Variants in NCALD observed in about 807,000 individuals in gnomAD.
NCALD encodes the protein neurocalcin-delta.
NCALD carries 10 observed loss-of-function variants against 18.6 expected under a neutral mutation model. That is an observed-to-expected ratio of 0.54 (90% confidence interval 0.33 to 0.91). NCALD has a LOEUF of 0.91. Ranked by LOEUF, NCALD falls within the 40% of genes least tolerant of loss-of-function variation. The pLI, the probability that NCALD is intolerant of heterozygous loss-of-function variation, is 0.03. For synonymous variants in NCALD, 88 were observed against 87.4 expected (o/e 1.01, Z -0.04); for missense variants, 184 against 247.6 (o/e 0.74, Z 1.72).
Position 101,883,477 on chromosome 8 carries a change from C to T in NCALD, c.-20+3664G>A, listed in dbSNP as rs74355584. ...TGCTCCCTTCCTCCTCCCCTCACCACTCCAGAATGAGGCACAGGGAGGACA... is the reference window on the plus strand; with the variant it reads ...TGCTCCCTTCCTCCTCCCCTCACCATTCCAGAATGAGGCACAGGGAGGACA... On this transcript the variant is annotated intron_variant, in intron 4 of 6. Transcript: ENST00000311028. Among the ~76,000 whole-genome samples the T allele has an allele frequency of 9.4e-3, 1,437 of 152,358 alleles. 10 individuals are homozygous for T. Among genetic ancestry groups the T allele is most frequent in the Non-Finnish European group, 0.014 (956 of 68,032 alleles).
At chr8:101,821,884 A>T (rs1160980304) in intron 4 of NCALD, among the ~76,000 whole-genome samples, 1 of 19,536 alleles carries the variant, frequency 5.1e-5, no homozygotes, top group Non-Finnish European at 2.4e-4. Flanking sequence ...TTCTAAGTAA[A>T]AAAAAAAAAA....
At chr8:101,868,475 A>T (rs1351739334) in intron 4 of NCALD, among the ~76,000 whole-genome samples, 1 of 152,190 alleles carries the variant, frequency 6.6e-6, no homozygotes, top group African/African-American at 2.4e-5. Flanking sequence ...ACACCTAAGT[A>T]ACAAAAGGAC....
chr8:102,097,226 C>T (rs182921230), intron 1 of NCALD, among the ~76,000 whole-genome samples: 1 of 152,268 alleles, frequency 6.6e-6, no homozygotes, highest in Non-Finnish European at 1.5e-5. Context: ...CAGTTAGGAA[C>T]CACAGAGGAA....
Position 102,076,839 on chromosome 8 carries a change from C to G in NCALD, c.-210+47398G>C, listed in dbSNP as rs546473507. On this transcript the variant is annotated intron_variant, in intron 1 of 6. Coordinates refer to the NCALD transcript ENST00000311028. ...CACGCCTTCCTTCTGAAATGACACA[C>G]ACTTGAAGTTGTTTTTCTAATGGTG... Among the ~76,000 whole-genome samples the G allele has an allele frequency of 2.6e-5, 4 of 152,316 alleles. No homozygotes were observed. In the East Asian group the frequency reaches 7.7e-4, roughly 29 times the overall value.
intron 1 of NCALD, among the ~76,000 whole-genome samples, chr8:101,739,069 G>A (rs1810067846): frequency 6.6e-6 from 1 of 151,900 alleles, no homozygotes; most frequent in Non-Finnish European, 1.5e-5. Flanking sequence ...TGGCTTGAAT[G>A]TCTCCATCCC....
At chr8:101,741,464 G>A (rs1412348326) in intron 1 of NCALD, among the ~76,000 whole-genome samples, 1 of 152,076 alleles carries the variant, frequency 6.6e-6, no homozygotes, top group Non-Finnish European at 1.5e-5. Context: ...TTATACAAAT[G>A]ACATACAGTA....
chr8:101,769,135 G>A (rs1340111383), intron 1 of NCALD, among the ~76,000 whole-genome samples: 4 of 152,208 alleles, frequency 2.6e-5, no homozygotes, highest in Admixed American at 6.5e-5. Context: ...GACCCTCAGA[G>A]GGAAAGGCTG....
At chr8:101,707,015 T>C (rs1190488921) in intron 2 of NCALD, among the ~76,000 whole-genome samples, 1 of 152,218 alleles carries the variant, frequency 6.6e-6, no homozygotes, top group Non-Finnish European at 1.5e-5. Context: ...CTAAGTTGCA[T>C]TCCAGAGCCA....
upstream of NCALD, among the ~76,000 whole-genome samples, chr8:101,794,443 G>A (rs1302889322): frequency 6.6e-6 from 1 of 150,492 alleles, no homozygotes; most frequent in South Asian, 2.1e-4. Context: ...AAAAAAGAAA[G>A]AACAAAAATG....
chr8:101,884,143 C>T (rs1563856288), intron 4 of NCALD, among the ~76,000 whole-genome samples: 1 of 152,286 alleles, frequency 6.6e-6, no homozygotes, highest in East Asian at 1.9e-4. Flanking sequence ...ACCTTAGAAC[C>T]TCTGCTCTGG....
chr8:101,738,994 C>G (rs1048313213), intron 1 of NCALD, among the ~76,000 whole-genome samples: 4 of 152,096 alleles, frequency 2.6e-5, no homozygotes, highest in African/African-American at 7.2e-5. Flanking sequence ...CTGGCATTAT[C>G]CCCCCATTTA....
chr8:102,030,008 T>A (rs1822611712), intron 1 of NCALD, among the ~76,000 whole-genome samples: 1 of 152,196 alleles, frequency 6.6e-6, no homozygotes, highest in Non-Finnish European at 1.5e-5. Flanking sequence ...AGCACATGCC[T>A]CCTAAAAGAA....
chr8:101,855,285 T>A (rs546766514), intron 4 of NCALD, among the ~76,000 whole-genome samples: 2 of 152,166 alleles, frequency 1.3e-5, no homozygotes, highest in African/African-American at 2.4e-5. Context: ...AGCCAATGAG[T>A]TGTGAGCAGA....
intron 1 of NCALD, among the ~76,000 whole-genome samples, chr8:101,728,544 C>T (rs1372617653): frequency 2.6e-5 from 4 of 152,110 alleles, no homozygotes; most frequent in South Asian, 2.1e-4. Context: ...TTGCCTAGGG[C>T]GGGGCGTAGC....
Position 101,760,442 on chromosome 8 carries a change from G to A in NCALD, c.-20+30420C>T, listed in dbSNP as rs915034526. On this transcript the variant is annotated intron_variant, in intron 1 of 3. Transcript: ENST00000220931. ...CTGGGAAGGACAGATGACAACAGGA[G>A]GGGGAAGGGACCTCCATTCATCCTA... is the stretch of plus-strand genomic sequence containing the variant. Among the ~76,000 whole-genome samples, 8 of 152,314 alleles carry A rather than the reference G, an allele frequency of 5.3e-5. No homozygotes were observed. The East Asian group carries it at 1.4e-3, about 26-fold the overall frequency.
rs531209282 is a variant in NCALD at position 101,909,299 on chromosome 8, C to T, written c.-107+6510G>A. 1.2e-3 allele frequency among the ~76,000 whole-genome samples: 181 copies of T among 152,328 alleles called. 1 individual carries two copies. The highest frequency in any genetic ancestry group is 3.4e-3 in the Middle Eastern group (1 of 294). Reference sequence around the variant, plus strand: ...GGTTCCACTCATACTTTTCAGCACTCCTCAGCAGGTTGCTTCCAAGAATTG... The same window carrying T: ...GGTTCCACTCATACTTTTCAGCACTTCTCAGCAGGTTGCTTCCAAGAATTG... On this transcript the variant is annotated intron_variant, in intron 3 of 6. Coordinates refer to the NCALD transcript ENST00000311028.
Position 101,811,732 on chromosome 8 carries a change from G to A in NCALD, c.-20+75409C>T, listed in dbSNP as rs111852010. ...AGGGAGATGTTCCTTCCAGCTGGGA[G>A]TGAACCCATTACGGAAAAACCTACT... On this transcript the variant is annotated intron_variant, in intron 4 of 6. Transcript: ENST00000311028. 5.7e-3 allele frequency among the ~76,000 whole-genome samples: 870 copies of A among 152,280 alleles called. 11 individuals carry two copies. The highest frequency in any genetic ancestry group is 0.018 in the African/African-American group (765 of 41,560).
At chr8:102,113,836 T>C (rs1476190917) in intron 1 of NCALD, among the ~76,000 whole-genome samples, 1 of 152,226 alleles carries the variant, frequency 6.6e-6, no homozygotes, top group Non-Finnish European at 1.5e-5. Flanking sequence ...AAAAGGTATG[T>C]AAGATAAGAA....
chr8:101,825,395 A>G (rs1284567468), intron 4 of NCALD, among the ~76,000 whole-genome samples: 1 of 152,238 alleles, frequency 6.6e-6, no homozygotes, highest in Non-Finnish European at 1.5e-5. Context: ...GAGGAAACCC[A>G]AATGGACAGA....
Sources: gnomAD v4.1 joint callset for allele counts (sites outside exome capture counted in the v4.1 genomes callset) on GRCh38, gnomAD v4.1.1 for gene constraint, MANE v1.5 for transcripts, NCBI Gene and HGNC (gene_info 2026-07-23, HGNC 2026-07-21) for gene names.